CIITA: variants seen among roughly 807,000 people sequenced by gnomAD.
CIITA encodes the protein MHC class II transactivator.
In CIITA, 72 loss-of-function variants were observed where a neutral mutation model predicts 115.1. The ratio of observed to expected loss-of-function variants is 0.63; its 90% CI spans 0.52 to 0.76. CIITA has a LOEUF of 0.76. CIITA is among the 30% of genes least tolerant of loss of function. CIITA has a pLI of 0.00. For synonymous variants in CIITA, 763 were observed against 635.6 expected, an observed-to-expected ratio of 1.20 and a Z score of -3.02; for missense variants, 1,617 against 1,463.8, an observed-to-expected ratio of 1.10 and a Z score of -1.71.
upstream of CIITA, among the ~76,000 whole-genome samples, chr16:10,876,431 G>C (rs1472042934): frequency 6.6e-6 from 1 of 152,228 alleles, no homozygotes; most frequent in African/African-American, 2.4e-5. Flanking sequence ...GCAAGATACT[G>C]TTGACTGTAG....
Position 10,933,306 on chromosome 16 carries a change from G to C in CIITA, c.*9451G>C, listed in dbSNP as rs1038800966. On this transcript the variant is annotated 3_prime_UTR_variant, in exon 20 of 20. Coordinates refer to ENST00000324288, the MANE Select transcript of CIITA (RefSeq NM_000246.4). ...AGTAACTCTGCAGAGAAGCTGCCTG[G>C]TTCAGGATGTGGCTTAAGTAAGAAG... The C allele has an allele frequency of 6.6e-6, 1 of 152,286 alleles. No homozygotes were observed. Among genetic ancestry groups the C allele is most frequent in the African/African-American group, 2.4e-5 (1 of 41,456 alleles). 9.4% of individuals were successfully genotyped at this position (152,286 alleles called of 1,614,324 possible).
At chr16:10,902,563 T>C in intron 7 of CIITA, 95 bp from the exon 8 acceptor site, 2 of 1,525,606 alleles carry the variant, frequency 1.3e-6, no homozygotes, top group Non-Finnish European at 1.8e-6. Flanking sequence ...ATTAGGGCCC[T>C]TTAGGGGGGT....
intron 16 of CIITA, among the ~76,000 whole-genome samples, chr16:10,921,415 C>A (rs1596612668): frequency 6.6e-6 from 1 of 152,348 alleles, no homozygotes; most frequent in African/African-American, 2.4e-5. Context: ...GTGCTGGTCA[C>A]ACCCTCTATG....
At position 10,901,798 on chromosome 16, in the gene CIITA, C is replaced by T. The variant is rs749707687; in HGVS notation, c.481+240C>T. The stretch of plus-strand genomic sequence containing the variant: ...GTTCATAGGTTCTATTCTGCCCCAG[C>T]TCTCCGTGTGGAGGCCCTAGGGTCC... On this transcript the variant is annotated intron_variant, in intron 6 of 19. Transcript: ENST00000324288. This position sits in a 1 kb window ranked among gnomAD's most constrained non-coding sequence, Gnocchi z 6.8. The T allele has an allele frequency of 1.6e-5, 11 of 679,632 alleles. No homozygotes were observed. Among genetic ancestry groups the T allele is most frequent in the Non-Finnish European group, 1.8e-5 (7 of 397,950 alleles). The allele number at this position is 679,632 out of a possible 1,614,324, so 42.1% of individuals were successfully genotyped here.
chr16:10,894,935 G>A (rs2037969837), intron 1 of CIITA, among the ~76,000 whole-genome samples: 1 of 152,188 alleles, frequency 6.6e-6, no homozygotes, highest in Non-Finnish European at 1.5e-5. Flanking sequence ...GCCAGCTCAT[G>A]TGCCTGGCGT....
chr16:10,901,700 G>T lies in CIITA; in HGVS notation c.481+142G>T. The T allele has an allele frequency of 1.1e-6, 1 of 940,524 alleles. No individual in the cohort carries two copies. 58.3% of individuals were successfully genotyped at this position (940,524 alleles called of 1,614,324 possible). A position where few individuals can be genotyped will look rare whatever the true frequency, so the allele number is the denominator to read the frequency against. On this transcript the variant is annotated intron_variant, in intron 6 of 19. Coordinates refer to ENST00000324288, the MANE Select transcript of CIITA (RefSeq NM_000246.4). The surrounding 1 kb of genome is among the most constrained non-coding windows in gnomAD (Gnocchi z 6.8). The stretch of plus-strand genomic sequence containing the variant: ...TTCTTTGGGTAGAGGCTGAGAGCTT[G>T]GGGTCCCTTAGAGTCCTCTAAGGGG...
rs1160638016 is a variant in CIITA, at chr16:10,923,809, C to T, written c.*23-69C>T. ...ATCCCCCCATCTTGATAGCACCCTT[C>T]CCAGGTGTCAAGCTGCCCCTCCTAG... On this transcript the variant is annotated intron_variant, in intron 19 of 19. Coordinates refer to ENST00000324288, the MANE Select transcript of CIITA (RefSeq NM_000246.4). The surrounding 1 kb of genome is among the most constrained non-coding windows in gnomAD (Gnocchi z 5.2). 1 of 182,362 alleles carries T rather than the reference C, an allele frequency of 5.5e-6. No homozygotes were observed. Among genetic ancestry groups the T allele is most frequent in the East Asian group, 1.6e-4 (1 of 6,410 alleles). 11.3% of individuals were successfully genotyped at this position (182,362 alleles called of 1,614,324 possible). A position where few individuals can be genotyped will look rare whatever the true frequency, so the allele number is the denominator to read the frequency against.
downstream of CIITA, chr16:10,936,607 T>C (rs1442500529): frequency 6.6e-6 from 1 of 152,218 alleles, no homozygotes; most frequent in Non-Finnish European, 1.5e-5. Flanking sequence ...CAGAGGTTTT[T>C]GTTTGTTTGT....
intron 13 of CIITA, among the ~76,000 whole-genome samples, chr16:10,912,515 G>C (rs967435742): frequency 6.6e-6 from 1 of 152,196 alleles, no homozygotes; most frequent in African/African-American, 2.4e-5. Flanking sequence ...GGAGACGGAG[G>C]CCTGGTGAGG....
intron 16 of CIITA, among the ~76,000 whole-genome samples, chr16:10,919,526 A>ATTTATTTATTTG (rs1157512451): frequency 2.0e-5 from 3 of 151,598 alleles, no homozygotes; most frequent in Non-Finnish European, 4.4e-5. Context: ...TTATTTATTT[A>ATTTATTTATTTG]TTTATTTGGA....
At chr16:10,890,609 C>T (rs12931265) in intron 1 of CIITA, among the ~76,000 whole-genome samples, 35,549 of 152,150 alleles carry the variant, frequency 0.23, 4,439 homozygotes, top group East Asian at 0.38. Flanking sequence ...CTTCTTGTTC[C>T]TATGAAGTCT....
At chr16:10,894,529 A>T (rs755194186) in intron 1 of CIITA, among the ~76,000 whole-genome samples, 1 of 152,244 alleles carries the variant, frequency 6.6e-6, no homozygotes, top group Non-Finnish European at 1.5e-5. Flanking sequence ...TATTTATTAC[A>T]TGCATAGAAG....
At chr16:10,898,614 C>A in intron 3 of CIITA, 56 bp from the exon 4 acceptor site, 9 of 1,544,156 alleles carry the variant, frequency 5.8e-6, no homozygotes, top group Non-Finnish European at 7.1e-6. Context: ...GCCTGGCACA[C>A]AGTGGGCCTT....
At chr16:10,881,243 A>G (rs982335932) in intron 1 of CIITA, among the ~76,000 whole-genome samples, 1 of 152,026 alleles carries the variant, frequency 6.6e-6, no homozygotes, top group African/African-American at 2.4e-5. Flanking sequence ...GTTACCCGAG[A>G]GCTGAGATTG....
chr16:10,894,901 G>A (rs2037965074), intron 1 of CIITA, among the ~76,000 whole-genome samples: 1 of 152,144 alleles, frequency 6.6e-6, no homozygotes, highest in Non-Finnish European at 1.5e-5. Flanking sequence ...TCCTTACATG[G>A]TTACTGATAT....
intron 3 of CIITA, among the ~76,000 whole-genome samples, chr16:10,897,051 T>C (rs968219765): frequency 6.6e-6 from 1 of 152,244 alleles, no homozygotes; most frequent in Non-Finnish European, 1.5e-5. Flanking sequence ...TTCTCCCCCC[T>C]TAGTGGCATC....
At chr16:10,895,620 C>T in intron 2 of CIITA, 49 bp from the exon 3 acceptor site, 1 of 1,608,416 alleles carries the variant, frequency 6.2e-7, no homozygotes, top group Non-Finnish European at 8.5e-7. Context: ...TCCCCACCAG[C>T]CCTCTTTCCA....
chr16:10,899,651 A>G (rs1017571411), intron 5 of CIITA, among the ~76,000 whole-genome samples: 1 of 152,178 alleles, frequency 6.6e-6, no homozygotes, highest in Non-Finnish European at 1.5e-5. Context: ...GTTGAATGAA[A>G]ACATCTGTAA....
intron 10 of CIITA, among the ~76,000 whole-genome samples, chr16:10,905,400 C>T (rs2039067896): frequency 6.6e-6 from 1 of 152,152 alleles, no homozygotes; most frequent in African/African-American, 2.4e-5. Context: ...ACACTCCCTC[C>T]CATGACCTCC....
Sources: gnomAD v4.1 joint callset for allele counts (sites outside exome capture counted in the v4.1 genomes callset) on GRCh38, gnomAD v4.1.1 for gene constraint, Gnocchi (gnomAD v3.1) non-coding constraint, MANE v1.5 for transcripts, NCBI Gene and HGNC (gene_info 2026-07-23, HGNC 2026-07-21) for gene names.